NSUN7: variants seen among roughly 807,000 people sequenced by gnomAD.
NSUN7 encodes the protein NOP2/Sun RNA methyltransferase family member 7.
Under a neutral mutation model 58.5 loss-of-function variants are expected in NSUN7, and 39 were observed. The ratio of observed to expected loss-of-function variants is 0.67; its 90% confidence interval spans 0.52 to 0.87. The LOEUF is 0.87. Among genes scored for constraint, NSUN7 ranks in the 40% least tolerant of loss-of-function variants. The pLI, the probability that NSUN7 is intolerant of heterozygous loss-of-function variation, is 0.00. For missense variants in NSUN7, 765 were observed against 844.1 expected, an observed-to-expected ratio of 0.91 and a Z score of 1.16; for synonymous variants, 278 against 303.7, an observed-to-expected ratio of 0.92 and a Z score of 0.88.
rs754919649 is a variant in NSUN7 at position 40,761,224 on chromosome 4, A to G, written c.411A>G (p.Arg137=). The change falls in exon 4 of 12, where the codon AGA becomes AGG. Residue 137 remains arginine, a synonymous_variant. Coordinates refer to ENST00000381782, the MANE Select transcript of NSUN7 (RefSeq NM_024677.6). ...IIVMLYDFQD[R]KFQTRVLSDN... ...TGATGCTATATGATTTCCAAGATAG[A>G]AAATTTCAAACTCGTGTCCTTTCTG... 3 of 1,585,210 alleles carry G rather than the reference A, an allele frequency of 1.9e-6. No homozygotes were observed. The highest frequency in any genetic ancestry group is 1.7e-4 in the Middle Eastern group (1 of 6,010).
In NSUN7 at chr4:40,761,403, A is replaced by G. The variant is rs1577546140; in HGVS notation, c.488+102A>G. On this transcript the variant is annotated intron_variant, in intron 4 of 11. Coordinates refer to ENST00000381782, the MANE Select transcript of NSUN7 (RefSeq NM_024677.6). ...AATGTGTAGATAAGAGTTAAATTTT[A>G]TAGGGAAAAATATAAAAATTCATAA... The G allele has an allele frequency of 6.9e-6, 6 of 866,540 alleles. No individual in the cohort carries two copies. In the East Asian group the frequency reaches 1.7e-4, roughly 25 times the overall value. The allele number at this position is 866,540 out of a possible 1,614,324, so 53.7% of individuals were successfully genotyped here.
intron 9 of NSUN7, among the ~76,000 whole-genome samples, chr4:40,795,462 A>G (rs1163497418): frequency 4.6e-5 from 7 of 152,264 alleles, no homozygotes; most frequent in African/African-American, 1.7e-4. Flanking sequence ...TAAGCCTTTT[A>G]CTTGAAGCAT....
chr4:40,771,404 TTC>T (rs1742003707), intron 4 of NSUN7, among the ~76,000 whole-genome samples: 1 of 152,182 alleles, frequency 6.6e-6, no homozygotes, highest in Non-Finnish European at 1.5e-5. Context: ...ATCTCTGTCT[TTC>T]TCTCTTTCTC....
chr4:40,808,212 G>T, intron 11 of NSUN7, 95 bp from the exon 12 acceptor site: 3 of 1,351,450 alleles, frequency 2.2e-6, no homozygotes, highest in Non-Finnish European at 2.0e-6. Context: ...ATAATAAAGA[G>T]AGTCTTTTTA....
At chr4:40,796,895 CT>C (rs2154288969) in intron 9 of NSUN7, among the ~76,000 whole-genome samples, 1 of 152,262 alleles carries the variant, frequency 6.6e-6, no homozygotes, top group East Asian at 1.9e-4. Flanking sequence ...TGTAACTTGC[CT>C]TTCCCCTGGG....
At position 40,810,070 on chromosome 4, in the gene NSUN7, A is replaced by G. The variant is rs1283191500; in HGVS notation, c.*1131A>G. On this transcript the variant is annotated 3_prime_UTR_variant, in exon 12 of 12. Coordinates refer to ENST00000381782, the MANE Select transcript of NSUN7 (RefSeq NM_024677.6). The stretch of plus-strand genomic sequence containing the variant: ...TTTTATTTTTGCAATTCAGTTGTAT[A>G]GAAATGTTACATAAATTCCTAAATG... 1 of 152,232 alleles carries G rather than the reference A, an allele frequency of 6.6e-6. No individual in the cohort carries two copies. Among genetic ancestry groups the G allele is most frequent in the Non-Finnish European group, 1.5e-5 (1 of 68,034 alleles). The allele number at this position is 152,232 out of a possible 1,614,324, so 9.4% of individuals were successfully genotyped here. A position where few individuals can be genotyped will look rare whatever the true frequency, so the allele number is the denominator to read the frequency against.
rs113167696 is a variant in NSUN7 at position 40,807,190 on chromosome 4, GAA to G, written c.1524+13_1524+14del. ...TTTCTATTTTAACAAGGGAGGTAAG[GAA>G]AAAAAATCCTAATCCATGTCATACT... On this transcript the variant is annotated splice_region_variant and intron_variant, in intron 11 of 11. Coordinates refer to ENST00000381782, the MANE Select transcript of NSUN7 (RefSeq NM_024677.6). 6.5e-7 allele frequency: 1 copy of G among 1,540,318 alleles called. No homozygotes were observed. Among genetic ancestry groups the G allele is most frequent in the African/African-American group, 1.4e-5 (1 of 71,890 alleles).
chr4:40,807,016 A>C (rs547675410), intron 10 of NSUN7, 45 bp from the exon 11 acceptor site: 1 of 1,538,212 alleles, frequency 6.5e-7, no homozygotes, highest in African/African-American at 1.4e-5. Context: ...TCTCTTGGCA[A>C]AGAAGCCATT....
chr4:40,766,055 T>G (rs894290057), intron 4 of NSUN7, among the ~76,000 whole-genome samples: 2 of 152,180 alleles, frequency 1.3e-5, no homozygotes, highest in African/African-American at 4.8e-5. Flanking sequence ...CCTCTTTTCC[T>G]AATTGAATAC....
intron 11 of NSUN7, among the ~76,000 whole-genome samples, chr4:40,807,580 T>C (rs1743863226): frequency 6.6e-6 from 1 of 151,866 alleles, no homozygotes; most frequent in Non-Finnish European, 1.5e-5. Context: ...GAACTCGACT[T>C]CATGATCCAC....
rs1159745442 is a variant in NSUN7 at position 40,790,080 on chromosome 4, T to TTC, written c.1037-521_1037-520insCT. ...CTCCCCCACCTTTTTTTTTTTTTTT[T>TTC]TTCTGGAGAGAAGATAGAACATAAA... On this transcript the variant is annotated intron_variant, in intron 7 of 11. Transcript: ENST00000381782. Among the ~76,000 whole-genome samples, 3 of 151,574 alleles carry TTC rather than the reference T, an allele frequency of 2.0e-5. No individual in the cohort carries two copies. The East Asian group carries it at 5.8e-4, about 29-fold the overall frequency.
chr4:40,758,809 C>T (rs893790659), intron 2 of NSUN7, among the ~76,000 whole-genome samples: 7 of 152,018 alleles, frequency 4.6e-5, no homozygotes, highest in Non-Finnish European at 1.0e-4. Context: ...TGCTTGAGCC[C>T]AGGAGGTGGA....
At chr4:40,801,728 T>C (rs1187606830) in intron 10 of NSUN7, among the ~76,000 whole-genome samples, 2 of 151,666 alleles carry the variant, frequency 1.3e-5, no homozygotes, top group East Asian at 3.9e-4. Flanking sequence ...TGAAACCTCA[T>C]CTCTACAAAA....
At chr4:40,799,764 A>G (rs1480686737) in intron 10 of NSUN7, among the ~76,000 whole-genome samples, 1 of 152,196 alleles carries the variant, frequency 6.6e-6, no homozygotes, top group African/African-American at 2.4e-5. Context: ...AGTACCCCAA[A>G]GTGGTAGAAT....
intron 7 of NSUN7, chr4:40,786,395 G>A: frequency 1.9e-6 from 3 of 1,612,042 alleles, no homozygotes; most frequent in South Asian, 2.2e-5. Context: ...TGCACAGATG[G>A]CATTGTGTTT....
At chr4:40,752,974 CA>C (rs1291632949) in intron 2 of NSUN7, among the ~76,000 whole-genome samples, 1 of 152,088 alleles carries the variant, frequency 6.6e-6, no homozygotes, top group Non-Finnish European at 1.5e-5. Context: ...GTATTTCATG[CA>C]ATGAATCAAA....
chr4:40,785,511 C>A (rs545285314), intron 7 of NSUN7, among the ~76,000 whole-genome samples: 7 of 152,262 alleles, frequency 4.6e-5, no homozygotes, highest in Non-Finnish European at 1.0e-4. Flanking sequence ...AGGCACGTGC[C>A]ACCATGGCCA....
chr4:40,795,077 C>T (rs918371084), intron 9 of NSUN7, among the ~76,000 whole-genome samples: 2 of 152,052 alleles, frequency 1.3e-5, no homozygotes, highest in Non-Finnish European at 1.5e-5. Flanking sequence ...TTATTAATTC[C>T]GTATATATTT....
chr4:40,790,064 C>CTTTTTTTTT lies in NSUN7; in HGVS notation c.1037-528_1037-520dup, dbSNP rs60071501. Among the ~76,000 whole-genome samples the CTTTTTTTTT allele has an allele frequency of 1.6e-5, 2 of 121,586 alleles. 1 individual carries two copies. The highest frequency in any genetic ancestry group is 3.3e-5 in the Non-Finnish European group (2 of 60,326). 79.8% of individuals were successfully genotyped at this position (121,586 alleles called of 152,430 possible). A position where few individuals can be genotyped will look rare whatever the true frequency, so the allele number is the denominator to read the frequency against. On this transcript the variant is annotated intron_variant, in intron 7 of 11. Transcript: ENST00000381782. ...AGTGCTTCTGATAACCCTCCCCCAC[C>CTTTTTTTTT]TTTTTTTTTTTTTTTTTTCTGGAGA... is the stretch of plus-strand genomic sequence containing the variant.
Sources: gnomAD v4.1 joint callset for allele counts (sites outside exome capture counted in the v4.1 genomes callset) on GRCh38, gnomAD v4.1.1 for gene constraint, MANE v1.5 for transcripts, NCBI Gene and HGNC (gene_info 2026-07-23, HGNC 2026-07-21) for gene names.